CHRM3: variants seen among roughly 807,000 people sequenced by gnomAD.
CHRM3 encodes cholinergic receptor muscarinic 3, also known as muscarinic acetylcholine receptor M3.
CHRM3 carries 11 observed loss-of-function variants against 41.8 expected under a neutral mutation model. That is an observed-to-expected ratio of 0.26 (90% CI 0.17 to 0.44). The LOEUF (loss-of-function observed/expected upper bound fraction) is 0.44, where lower values mean the gene tolerates loss of function less well. Among genes scored for constraint, CHRM3 ranks in the 20% least tolerant of loss-of-function variants. The pLI, the probability that CHRM3 is intolerant of heterozygous loss-of-function variation, is 1.00. For synonymous variants in CHRM3, 297 were observed against 301.4 expected (o/e 0.99, Z 0.15); for missense variants, 571 against 745.4 (o/e 0.77, Z 2.72).
In CHRM3 at chr1:239,574,870, A is replaced by G. The variant is rs181691076; in HGVS notation, c.-313+29121A>G. ...CTTCTAACCTAGAATACCCTGTGGC[A>G]TATATTAGGCATTCAAAATTATTTG... On this transcript the variant is annotated intron_variant, in intron 3 of 6. Transcript: ENST00000676153. 6.3e-4 allele frequency among the ~76,000 whole-genome samples: 95 copies of G among 150,770 alleles called. No individual in the cohort carries two copies. In the East Asian group the frequency reaches 7.2e-3, roughly 11 times the overall value.
intron 3 of CHRM3, among the ~76,000 whole-genome samples, chr1:239,582,641 T>C (rs568283622): frequency 2.4e-4 from 36 of 152,220 alleles, no homozygotes; most frequent in Non-Finnish European, 3.4e-4. Context: ...CTGAACACGG[T>C]GTTTCCTCCC....
intron 1 of CHRM3, among the ~76,000 whole-genome samples, chr1:239,486,041 G>T (rs181379410): frequency 6.6e-6 from 1 of 152,224 alleles, no homozygotes; most frequent in East Asian, 1.9e-4. Flanking sequence ...TTTACTCATT[G>T]CAGGAGAGAA....
intron 3 of CHRM3, among the ~76,000 whole-genome samples, chr1:239,616,387 G>T (rs1453890915): frequency 1.3e-5 from 2 of 152,058 alleles, no homozygotes; most frequent in Non-Finnish European, 2.9e-5. Flanking sequence ...TTTTTAATTG[G>T]GAGTTTCTTT....
chr1:239,746,156 A>G (rs943858930), intron 5 of CHRM3, among the ~76,000 whole-genome samples: 1 of 152,250 alleles, frequency 6.6e-6, no homozygotes, highest in Non-Finnish European at 1.5e-5. Context: ...GTGGAAAACC[A>G]ATGGAGCATT....
chr1:239,555,639 T>C lies in CHRM3; in HGVS notation c.-313+9890T>C, dbSNP rs1331798554. 2.6e-5 allele frequency among the ~76,000 whole-genome samples: 4 copies of C among 152,204 alleles called. No individual in the cohort carries two copies. The East Asian group carries it at 7.7e-4, about 29-fold the overall frequency. ...AGTTACTACCCATTTCCTAGGAATT[T>C]GTGCATTAACTGCCCCTTAATCTGC... is the stretch of plus-strand genomic sequence containing the variant. On this transcript the variant is annotated intron_variant, in intron 3 of 6. Transcript: ENST00000676153.
chr1:239,547,559 A>G (rs1210261219), intron 3 of CHRM3, among the ~76,000 whole-genome samples: 1 of 152,230 alleles, frequency 6.6e-6, no homozygotes. Flanking sequence ...TCTGAGAAAT[A>G]AAAGGGAAAT....
intron 6 of CHRM3, among the ~76,000 whole-genome samples, chr1:239,829,437 AT>A (rs1672727967): frequency 6.6e-6 from 1 of 152,034 alleles, no homozygotes; most frequent in Admixed American, 6.6e-5. Context: ...GAAATTTTAA[AT>A]TTTTTATGTT....
intron 3 of CHRM3, among the ~76,000 whole-genome samples, chr1:239,584,505 A>G (rs1315921718): frequency 3.9e-5 from 6 of 152,238 alleles, no homozygotes; most frequent in Non-Finnish European, 7.3e-5. Flanking sequence ...GGATTATTTT[A>G]TAGCTTTGTT....
At chr1:239,666,872 C>A (rs957526024) in intron 4 of CHRM3, among the ~76,000 whole-genome samples, 1 of 152,070 alleles carries the variant, frequency 6.6e-6, no homozygotes, top group African/African-American at 2.4e-5. Flanking sequence ...ATCTTTATGT[C>A]CATGAGTACA....
intron 6 of CHRM3, among the ~76,000 whole-genome samples, chr1:239,833,840 C>T (rs1483343684): frequency 6.6e-6 from 1 of 152,162 alleles, no homozygotes; most frequent in East Asian, 1.9e-4. Context: ...CTTTATACCA[C>T]ACTCCTTTGT....
At chr1:239,862,364 A>G (rs886561786) in intron 6 of CHRM3, among the ~76,000 whole-genome samples, 25 of 152,186 alleles carry the variant, frequency 1.6e-4, no homozygotes, top group African/African-American at 5.8e-4. Context: ...CTTTGACTTC[A>G]TTTACAGATT....
chr1:239,760,509 T>A (rs150087831), intron 5 of CHRM3, among the ~76,000 whole-genome samples: 254 of 152,304 alleles, frequency 1.7e-3, no homozygotes, highest in Non-Finnish European at 3.0e-3. Context: ...TCTTTTCTTA[T>A]CTATTGCTGA....
At chr1:239,591,114 C>T (rs1664087509) in intron 3 of CHRM3, among the ~76,000 whole-genome samples, 1 of 152,204 alleles carries the variant, frequency 6.6e-6, no homozygotes, top group South Asian at 2.1e-4. Context: ...ATGAAGAAGA[C>T]ATTCAAATAT....
intron 1 of CHRM3, among the ~76,000 whole-genome samples, chr1:239,391,077 G>T (rs1390703191): frequency 1.3e-5 from 2 of 152,190 alleles, no homozygotes; most frequent in African/African-American, 2.4e-5. Flanking sequence ...GTTCGAGACT[G>T]CAGTGAGTCA....
chr1:239,841,045 C>A (rs1192533768), intron 6 of CHRM3, among the ~76,000 whole-genome samples: 3 of 152,216 alleles, frequency 2.0e-5, no homozygotes, highest in Non-Finnish European at 4.4e-5. Context: ...TCCACCCACA[C>A]TGTGTTCCAT....
chr1:239,472,464 A>G (rs1666191525), intron 1 of CHRM3, among the ~76,000 whole-genome samples: 1 of 152,216 alleles, frequency 6.6e-6, no homozygotes, highest in South Asian at 2.1e-4. Flanking sequence ...GCAAAAAGCA[A>G]TGTCATCAAA....
At chr1:239,783,149 CT>C (rs1391443733) in intron 5 of CHRM3, among the ~76,000 whole-genome samples, 1 of 151,942 alleles carries the variant, frequency 6.6e-6, no homozygotes, top group Non-Finnish European at 1.5e-5. Context: ...TATGTCCTTT[CT>C]GATTTTCTGT....
At chr1:239,890,164 G>A (rs1678429031) in intron 6 of CHRM3, among the ~76,000 whole-genome samples, 1 of 152,098 alleles carries the variant, frequency 6.6e-6, no homozygotes, top group African/African-American at 2.4e-5. Context: ...AGCCAGGCCT[G>A]GTGGGGCATG....
chr1:239,776,267 A>T (rs1668075160), intron 5 of CHRM3, among the ~76,000 whole-genome samples: 1 of 152,324 alleles, frequency 6.6e-6, no homozygotes, highest in Admixed American at 6.5e-5. Flanking sequence ...TCTCATCTGT[A>T]TATGGGGATA....
Sources: gnomAD v4.1 joint callset for allele counts (sites outside exome capture counted in the v4.1 genomes callset) on GRCh38, gnomAD v4.1.1 for gene constraint, MANE v1.5 for transcripts, NCBI Gene and HGNC (gene_info 2026-07-23, HGNC 2026-07-21) for gene names.